Variants in SH3PXD2A observed in about 807,000 individuals in gnomAD.
SH3PXD2A encodes SH3 and PX domain-containing protein 2A.
Under a neutral mutation model 115.2 loss-of-function variants are expected in SH3PXD2A, and 32 were observed. The observed-to-expected ratio is 0.28, with a 90% CI of 0.21 to 0.37. The LOEUF is 0.37. SH3PXD2A is among the 10% of genes least tolerant of loss of function. The pLI is 1.00. For synonymous variants in SH3PXD2A, 610 were observed against 629.1 expected (o/e 0.97, Z 0.45); for missense variants, 1,328 against 1,498.7 (o/e 0.89, Z 1.88).
chr10:103,616,261 T>G (rs933121405), intron 11 of SH3PXD2A, among the ~76,000 whole-genome samples: 1 of 151,876 alleles, frequency 6.6e-6, no homozygotes, highest in Non-Finnish European at 1.5e-5. Context: ...CCACCTAGAA[T>G]GCATGTCCTG....
At chr10:103,709,142 C>T (rs1205440712) in intron 5 of SH3PXD2A, among the ~76,000 whole-genome samples, 1 of 152,138 alleles carries the variant, frequency 6.6e-6, no homozygotes, top group African/African-American at 2.4e-5. Flanking sequence ...ATCAGCCAGG[C>T]TCCTACTGGG....
chr10:103,716,939 C>T lies in SH3PXD2A; in HGVS notation c.398+7331G>A, dbSNP rs547692929. Among the ~76,000 whole-genome samples the T allele has an allele frequency of 8.8e-4, 134 of 152,338 alleles. 1 individual carries two copies. Among genetic ancestry groups the T allele is most frequent in the Non-Finnish European group, 2.1e-4 (14 of 68,026 alleles). On this transcript the variant is annotated intron_variant, in intron 5 of 14. Transcript: ENST00000369774. ...GCCTGCTGCTGCTGTGCGCTTCCACCCGGGATGTCCCCATCCCACCATGAT... is the reference window on the plus strand; with the variant it reads ...GCCTGCTGCTGCTGTGCGCTTCCACTCGGGATGTCCCCATCCCACCATGAT...
chr10:103,737,764 G>A lies in SH3PXD2A; in HGVS notation c.230-1956C>T, dbSNP rs117178252. Among the ~76,000 whole-genome samples, 27 of 152,338 alleles carry A rather than the reference G, an allele frequency of 1.8e-4. 1 individual carries two copies. In the East Asian group the frequency reaches 4.0e-3, roughly 23 times the overall value. The stretch of plus-strand genomic sequence containing the variant: ...GAGGTAGAAGGCCCTAGTGGCTCCA[G>A]TGAGCAGCCTTTGGTAGGCAGAAGT... On this transcript the variant is annotated intron_variant, in intron 3 of 14. Coordinates refer to ENST00000369774, the MANE Select transcript of SH3PXD2A (RefSeq NM_001394015.1).
At chr10:103,714,178 C>T (rs947762666) in intron 5 of SH3PXD2A, among the ~76,000 whole-genome samples, 19 of 152,318 alleles carry the variant, frequency 1.2e-4, no homozygotes, top group African/African-American at 4.3e-4. Flanking sequence ...AAGCAGGCCT[C>T]AGCGCTCTTC....
At chr10:103,738,295 T>G (rs1399584250) in intron 3 of SH3PXD2A, among the ~76,000 whole-genome samples, 1 of 152,248 alleles carries the variant, frequency 6.6e-6, no homozygotes, top group Non-Finnish European at 1.5e-5. Flanking sequence ...CTTGCCTCTT[T>G]GCCTCCTACC....
Position 103,602,885 on chromosome 10 carries a change from A to G in SH3PXD2A, c.2333T>C (p.Leu778Ser), listed in dbSNP as rs1310623410. 6.2e-7 allele frequency: 1 copy of G among 1,614,018 alleles called. No individual in the cohort carries two copies. Among genetic ancestry groups the G allele is most frequent in the Non-Finnish European group, 8.5e-7 (1 of 1,179,880 alleles). Residue 778 changes from leucine to serine, a missense_variant, in exon 15 of 15, where the codon TTA becomes TCA. Coordinates refer to ENST00000369774, the MANE Select transcript of SH3PXD2A (RefSeq NM_001394015.1). The part of the protein sequence containing the change: ...QSQEKMDIST[L>S]RRQLRPTGQL... Reference sequence around the variant, plus strand: ...GCCTGTGGGTCTCAGCTGGCGCCGTAAAGTGCTGATGTCCATCTTCTCTTG... The same window carrying G: ...GCCTGTGGGTCTCAGCTGGCGCCGTGAAGTGCTGATGTCCATCTTCTCTTG...
At chr10:103,832,488 G>A (rs2039491822) in intron 1 of SH3PXD2A, among the ~76,000 whole-genome samples, 1 of 151,782 alleles carries the variant, frequency 6.6e-6, no homozygotes. Context: ...CAATAGCAAA[G>A]ACTTGGAACC....
intron 6 of SH3PXD2A, among the ~76,000 whole-genome samples, chr10:103,671,726 C>T (rs555781370): frequency 5.5e-5 from 8 of 144,592 alleles, no homozygotes; most frequent in South Asian, 2.4e-4. Flanking sequence ...GCTGGGAAGA[C>T]GGGGAGTTGG....
intron 2 of SH3PXD2A, among the ~76,000 whole-genome samples, chr10:103,781,878 A>T (rs946301722): frequency 3.9e-5 from 6 of 152,190 alleles, no homozygotes; most frequent in Admixed American, 6.5e-5. Flanking sequence ...GCACACAGAG[A>T]CACAAAGCTG....
chr10:103,676,000 T>C (rs938755774), intron 6 of SH3PXD2A, among the ~76,000 whole-genome samples: 3 of 151,408 alleles, frequency 2.0e-5, no homozygotes, highest in African/African-American at 4.9e-5. Flanking sequence ...GATCGCGCCA[T>C]TGCACTCCAG....
rs142469376 is a variant in SH3PXD2A at position 103,848,713 on chromosome 10, A to G, written c.72+6482T>C. Among the ~76,000 whole-genome samples the G allele has an allele frequency of 1.4e-4, 22 of 152,022 alleles. No individual in the cohort carries two copies. In the East Asian group the frequency reaches 2.3e-3, roughly 16 times the overall value. On this transcript the variant is annotated intron_variant, in intron 1 of 14. Coordinates refer to ENST00000369774, the MANE Select transcript of SH3PXD2A (RefSeq NM_001394015.1). ...CCTACTCTTTCCCAGCCAAATCCTA[A>G]TTACACCTCAAGGTCCATCATGAAG...
At chr10:103,669,432 T>A (rs945783100) in intron 6 of SH3PXD2A, among the ~76,000 whole-genome samples, 5 of 152,210 alleles carry the variant, frequency 3.3e-5, no homozygotes, top group African/African-American at 1.2e-4. Flanking sequence ...AACTTATGAT[T>A]GAGATGTGAT....
chr10:103,823,007 A>C (rs553830566), intron 1 of SH3PXD2A, among the ~76,000 whole-genome samples: 2 of 152,294 alleles, frequency 1.3e-5, no homozygotes, highest in South Asian at 4.2e-4. Context: ...GAGGGAGCTG[A>C]ATTCTTTCAG....
chr10:103,768,817 AT>A (rs1343690673), intron 2 of SH3PXD2A, among the ~76,000 whole-genome samples: 1 of 152,140 alleles, frequency 6.6e-6, no homozygotes, highest in Non-Finnish European at 1.5e-5. Context: ...AAAGAATCTT[AT>A]TTAGCTTGGC....
chr10:103,638,598 G>A (rs1408485512), intron 8 of SH3PXD2A, among the ~76,000 whole-genome samples: 1 of 152,238 alleles, frequency 6.6e-6, no homozygotes, highest in Non-Finnish European at 1.5e-5. Context: ...TCTGCTACTT[G>A]CCAGCTGCAT....
intron 1 of SH3PXD2A, among the ~76,000 whole-genome samples, chr10:103,831,626 C>T (rs1253633294): frequency 6.6e-6 from 1 of 152,088 alleles, no homozygotes; most frequent in East Asian, 1.9e-4. Flanking sequence ...TCAAGACCAG[C>T]CTGGGCAACA....
At chr10:103,824,399 C>A (rs1444298844) in intron 1 of SH3PXD2A, among the ~76,000 whole-genome samples, 3 of 152,198 alleles carry the variant, frequency 2.0e-5, no homozygotes, top group Non-Finnish European at 4.4e-5. Context: ...AGCCCTTGCC[C>A]AGGCAAGTCC....
intron 1 of SH3PXD2A, among the ~76,000 whole-genome samples, chr10:103,839,165 T>G (rs1312242190): frequency 6.6e-6 from 1 of 152,180 alleles, no homozygotes; most frequent in Non-Finnish European, 1.5e-5. Flanking sequence ...GCAAGTAGAA[T>G]AGAAATCCCA....
intron 8 of SH3PXD2A, among the ~76,000 whole-genome samples, chr10:103,644,684 C>T (rs1242056664): frequency 1.3e-5 from 2 of 152,032 alleles, no homozygotes; most frequent in Admixed American, 6.6e-5. Context: ...TCCTAACTAT[C>T]CCCAGTAGAA....
Sources: allele counts gnomAD v4.1 joint callset (sites outside exome capture counted in the v4.1 genomes callset), GRCh38; gene constraint gnomAD v4.1.1; transcripts MANE v1.5; gene names NCBI Gene and HGNC (gene_info 2026-07-23, HGNC 2026-07-21).